Variants in CAST observed in about 807,000 individuals in gnomAD.
The protein encoded by CAST is calpastatin.
CAST carries 76 observed loss-of-function variants against 119.6 expected under a neutral mutation model. That is an observed-to-expected ratio of 0.64 (90% CI 0.53 to 0.77). The LOEUF is 0.77. Among genes scored for constraint, CAST ranks in the 30% least tolerant of loss-of-function variants. The probability of loss-of-function intolerance (pLI) is 0.00; values close to 1 mark genes in which losing one functional copy is unlikely to be tolerated. For synonymous variants in CAST, 319 were observed against 331.6 expected (o/e 0.96, Z 0.41); for missense variants, 953 against 946.5 (o/e 1.01, Z -0.09).
At chr5:96,477,832 T>G in the CAST span, among the ~76,000 whole-genome samples, 1 of 152,060 alleles carries the variant, frequency 6.6e-6, no homozygotes, top group Non-Finnish European at 1.5e-5. Flanking sequence ...AGTAGGAGGG[T>G]AAACAGGCTT....
the CAST span, among the ~76,000 whole-genome samples, chr5:96,281,068 G>T: frequency 6.6e-6 from 1 of 152,212 alleles, no homozygotes; most frequent in African/African-American, 2.4e-5. Context: ...TGTCTCTTGA[G>T]AATCTGGAGA....
At chr5:96,050,052 G>A in the CAST span, 1 of 152,136 alleles carries the variant, frequency 6.6e-6, no homozygotes, top group African/African-American at 2.4e-5. Flanking sequence ...CTGCCACAAA[G>A]AGGTCAGCTA....
At chr5:96,155,262 C>A in the CAST span, among the ~76,000 whole-genome samples, 1 of 152,158 alleles carries the variant, frequency 6.6e-6, no homozygotes, top group Non-Finnish European at 1.5e-5. Context: ...ATCACAGGGA[C>A]TAGTAGGCAG....
chr5:96,060,640 T>C, the CAST span, among the ~76,000 whole-genome samples: 1 of 152,068 alleles, frequency 6.6e-6, no homozygotes, highest in Non-Finnish European at 1.5e-5. Flanking sequence ...GTAGGGCCCA[T>C]AGCAGGAAAG....
the CAST span, among the ~76,000 whole-genome samples, chr5:96,210,843 A>G: frequency 6.6e-6 from 1 of 151,638 alleles, no homozygotes; most frequent in Non-Finnish European, 1.5e-5. Context: ...GATTTTTTTT[A>G]TTTCCTTCAT....
intron 1 of CAST, among the ~76,000 whole-genome samples, chr5:96,675,172 T>C (rs1250985624): frequency 6.6e-6 from 1 of 152,212 alleles, no homozygotes; most frequent in Non-Finnish European, 1.5e-5. Context: ...GAACTGAGCC[T>C]TAAGTATGGC....
upstream of CAST, chr5:96,662,331 C>G: frequency 1.4e-6 from 1 of 729,386 alleles, no homozygotes; most frequent in Non-Finnish European, 1.9e-6. Context: ...CTCCCTCCCT[C>G]CCTCCCTCTC....
At chr5:96,036,284 G>T in the CAST span, among the ~76,000 whole-genome samples, 3 of 151,844 alleles carry the variant, frequency 2.0e-5, no homozygotes, top group African/African-American at 7.3e-5. Flanking sequence ...TTTTAAAAAA[G>T]ATTTTGAACT....
chr5:96,100,789 T>C, the CAST span, among the ~76,000 whole-genome samples: 2 of 152,192 alleles, frequency 1.3e-5, no homozygotes, highest in African/African-American at 4.8e-5. Context: ...TATAAAATTA[T>C]GAGGTATTTG....
At chr5:96,740,705 T>C (rs752103652) in intron 12 of CAST, 40 bp from the exon 13 acceptor site, 2 of 1,507,202 alleles carry the variant, frequency 1.3e-6, no homozygotes, top group Middle Eastern at 1.7e-4. Flanking sequence ...TAAGGATTAA[T>C]TCTACCTTCT....
chr5:96,451,341 C>A, the CAST span, among the ~76,000 whole-genome samples: 1 of 151,988 alleles, frequency 6.6e-6, no homozygotes, highest in Admixed American at 6.6e-5. Context: ...AAAACTAGTG[C>A]CTTTCAGAAA....
intron 1 of CAST, among the ~76,000 whole-genome samples, chr5:96,621,949 C>CT (rs1327745497): frequency 4.3e-5 from 6 of 138,668 alleles, no homozygotes; most frequent in African/African-American, 1.1e-4. Flanking sequence ...AGTTAGCATT[C>CT]TTTTTTTTTC....
the CAST span, among the ~76,000 whole-genome samples, chr5:95,999,933 A>T: frequency 6.6e-6 from 1 of 152,288 alleles, no homozygotes; most frequent in African/African-American, 2.4e-5. Flanking sequence ...CGCCTTATTT[A>T]TTATAACCAT....
the CAST span, among the ~76,000 whole-genome samples, chr5:96,289,133 A>G: frequency 6.6e-6 from 1 of 151,912 alleles, no homozygotes; most frequent in Admixed American, 6.6e-5. Context: ...TACTTTGGGC[A>G]CAGTGGGTAC....
the CAST span, among the ~76,000 whole-genome samples, chr5:96,413,963 CAA>C: frequency 0.054 from 1,212 of 22,378 alleles, 29 homozygotes; most frequent in African/African-American, 0.11. Flanking sequence ...ACTAAAAATA[CAA>C]AAAAAAAAAA....
the CAST span, among the ~76,000 whole-genome samples, chr5:96,510,189 A>G: frequency 6.6e-6 from 1 of 152,202 alleles, no homozygotes; most frequent in Non-Finnish European, 1.5e-5. Context: ...ATAGTCTGTG[A>G]GTCAGAGTAG....
chr5:96,154,792 G>A, the CAST span, among the ~76,000 whole-genome samples: 1 of 152,210 alleles, frequency 6.6e-6, no homozygotes, highest in Non-Finnish European at 1.5e-5. Context: ...TAGGATTTTA[G>A]AGTTGAAGAC....
chr5:96,140,271 C>T, the CAST span, among the ~76,000 whole-genome samples: 17 of 152,316 alleles, frequency 1.1e-4, no homozygotes, highest in African/African-American at 4.1e-4. Flanking sequence ...ATTTGCCAAC[C>T]ATGTGAAATC....
the CAST span, among the ~76,000 whole-genome samples, chr5:96,413,819 T>G: frequency 2.0e-5 from 2 of 101,652 alleles, no homozygotes; most frequent in Non-Finnish European, 4.0e-5. Flanking sequence ...AAAAAAAAAA[T>G]GCATTTAGAA....
Sources: allele counts gnomAD v4.1 joint callset (sites outside exome capture counted in the v4.1 genomes callset), GRCh38; gene constraint gnomAD v4.1.1; transcripts MANE v1.5; gene names NCBI Gene and HGNC (gene_info 2026-07-23, HGNC 2026-07-21).